BMP10: variants seen among roughly 807,000 people sequenced by gnomAD.
BMP10 encodes the protein bone morphogenetic protein 10.
In BMP10, 9 loss-of-function variants were observed where a neutral mutation model predicts 29.9. The ratio of observed to expected loss-of-function variants is 0.30; its 90% CI spans 0.18 to 0.53. The LOEUF is 0.53. BMP10 is among the 20% of genes least tolerant of loss of function. The probability of loss-of-function intolerance (pLI) is 0.96; values close to 1 mark genes in which losing one functional copy is unlikely to be tolerated. For missense variants in BMP10, 474 were observed against 524.3 expected (o/e 0.90, Z 0.94); for synonymous variants, 202 against 200.2 (o/e 1.01, Z -0.07).
intron 1 of BMP10, among the ~76,000 whole-genome samples, chr2:68,867,374 G>T (rs1193066047): frequency 6.6e-6 from 1 of 152,194 alleles, no homozygotes; most frequent in Non-Finnish European, 1.5e-5. Context: ...CTCAGCAATT[G>T]ACTGCTGGTT....
At position 68,865,875 on chromosome 2, in the gene BMP10, G is replaced by A. The variant is rs145545108; in HGVS notation, c.1031C>T (p.Pro344Leu). ...EIGWDSWIIA[P>L]PGYEAYECRG... ...GCATTCATAGGCTTCGTATCCAGGC[G>A]GAGCGATGATCCAGGAGTCCCACCC... The change falls in exon 2 of 2, where the codon CCG (proline) becomes CTG (leucine). Residue 344 changes from proline to leucine, a missense_variant. By Grantham distance (98) the Pro-to-Leu change is moderately conservative (BLOSUM62 -3). Around this residue, in one of 2 missense-constraint regions of BMP10, gnomAD observed 66 missense variants for 109.0 expected, o/e 0.61. Transcript: ENST00000295379. This position sits in a 1 kb window ranked among gnomAD's most constrained non-coding sequence, Gnocchi z 4.7. The A allele has an allele frequency of 1.2e-6, 2 of 1,613,962 alleles. No homozygotes were observed. Among genetic ancestry groups the A allele is most frequent in the African/African-American group, 1.3e-5 (1 of 74,906 alleles).
rs768760716 is a variant in BMP10 at position 68,865,580 on chromosome 2, A to G, written c.*51T>C. On this transcript the variant is annotated 3_prime_UTR_variant, in exon 2 of 2. Transcript: ENST00000295379. The surrounding 1 kb of genome is among the most constrained non-coding windows in gnomAD (Gnocchi z 4.7). ...TATTAAATAATCTCATTAAATAGGA[A>G]CACCAAATATACACATTTACAGTTA... 5 of 1,520,038 alleles carry G rather than the reference A, an allele frequency of 3.3e-6. No individual in the cohort carries two copies. The highest frequency in any genetic ancestry group is 4.5e-6 in the Non-Finnish European group (5 of 1,113,866). 94.2% of individuals were successfully genotyped at this position (1,520,038 alleles called of 1,614,324 possible). A position where few individuals can be genotyped will look rare whatever the true frequency, so the allele number is the denominator to read the frequency against.
Position 68,866,083 on chromosome 2 carries a change from A to C in BMP10, c.823T>G (p.Ser275Ala), listed in dbSNP as rs776306538. The change falls in exon 2 of 2, where the codon TCC becomes GCC. Residue 275 changes from serine to alanine, a missense_variant. Around this residue, in one of 2 missense-constraint regions of BMP10, gnomAD observed 408 missense variants for 415.3 expected, o/e 0.98. Transcript: ENST00000295379. Reference sequence around the variant, plus strand: ...TCCAGCTCTGGAAGTTGCTCATGGGAAATCATTTCATTCAGTTCCTCCTTC... The same window carrying C: ...TCCAGCTCTGGAAGTTGCTCATGGGCAATCATTTCATTCAGTTCCTCCTTC... ...ERKEELNEMI[S>A]HEQLPELDNL... 4.8e-5 allele frequency: 77 copies of C among 1,613,940 alleles called. No individual in the cohort carries two copies. The highest frequency in any genetic ancestry group is 6.4e-5 in the Non-Finnish European group (75 of 1,179,992).
At position 68,865,421 on chromosome 2, in the gene BMP10, A is replaced by G. The variant is rs1197619020; in HGVS notation, c.*210T>C. 1.1e-4 allele frequency: 65 copies of G among 567,402 alleles called. No homozygotes were observed. The highest frequency in any genetic ancestry group is 1.6e-4 in the Non-Finnish European group (54 of 328,040). The allele number at this position is 567,402 out of a possible 1,614,324, so 35.1% of individuals were successfully genotyped here. Reference sequence around the variant, plus strand: ...GTTTTCAAATCAACAGGGAGGTGGCATTGCCAGGAAATGGCAAGTCCAAAG... The same window carrying G: ...GTTTTCAAATCAACAGGGAGGTGGCGTTGCCAGGAAATGGCAAGTCCAAAG... On this transcript the variant is annotated 3_prime_UTR_variant, in exon 2 of 2. Coordinates refer to ENST00000295379, the MANE Select transcript of BMP10 (RefSeq NM_014482.3). This position sits in a 1 kb window ranked among gnomAD's most constrained non-coding sequence, Gnocchi z 4.7.
chr2:68,865,987 T>G lies in BMP10; in HGVS notation c.919A>C (p.Ile307Leu). Residue 307 changes from isoleucine (I) to leucine (L), a missense_variant, in exon 2 of 2, where the codon ATC becomes CTC. Transcript: ENST00000295379. This position sits in a 1 kb window ranked among gnomAD's most constrained non-coding sequence, Gnocchi z 4.7. ...EALLQMRSNI[I>L]YDSTARIRRN... ...CTGATTCGGGCAGTGGAGTCATAGA[T>G]GATGTTTGATCTCATCTGCAACAAA... 1 of 1,614,032 alleles carries G rather than the reference T, an allele frequency of 6.2e-7. No homozygotes were observed. The highest frequency in any genetic ancestry group is 8.5e-7 in the Non-Finnish European group (1 of 1,179,970).
rs1558683648 is a variant in BMP10 at position 68,862,135 on chromosome 2, T to C, written c.*3496A>G. On this transcript the variant is annotated 3_prime_UTR_variant, in exon 2 of 2. Coordinates refer to ENST00000295379, the MANE Select transcript of BMP10 (RefSeq NM_014482.3). ...AACTGACAACATCACTTTATGAAACTGCATGACAATGTATTGGTTAAATAT... is the reference window on the plus strand; with the variant it reads ...AACTGACAACATCACTTTATGAAACCGCATGACAATGTATTGGTTAAATAT... Among the ~76,000 whole-genome samples, 1 of 152,246 alleles carries C rather than the reference T, an allele frequency of 6.6e-6. No homozygotes were observed.
rs937266779 is a variant in BMP10 at position 68,862,176 on chromosome 2, C to T, written c.*3455G>A. ...GGTTAAATATTTCCTGGAACATCTA[C>T]ACTTCAGTTAAAACTGTACTATTTA... On this transcript the variant is annotated 3_prime_UTR_variant, in exon 2 of 2. Coordinates refer to ENST00000295379, the MANE Select transcript of BMP10 (RefSeq NM_014482.3). 3.3e-5 allele frequency among the ~76,000 whole-genome samples: 5 copies of T among 152,202 alleles called. No homozygotes were observed. The highest frequency in any genetic ancestry group is 6.5e-5 in the Admixed American group (1 of 15,282).
chr2:68,869,164 C>G (rs968124531), intron 1 of BMP10, among the ~76,000 whole-genome samples: 1 of 152,174 alleles, frequency 6.6e-6, no homozygotes, highest in African/African-American at 2.4e-5. Flanking sequence ...ATTCTCTACT[C>G]GTTTTGCACC....
chr2:68,863,483 G>A lies in BMP10; in HGVS notation c.*2148C>T, dbSNP rs964962584. Among the ~76,000 whole-genome samples the A allele has an allele frequency of 6.6e-6, 1 of 152,164 alleles. No homozygotes were observed. Among genetic ancestry groups the A allele is most frequent in the Non-Finnish European group, 1.5e-5 (1 of 68,032 alleles). Reference sequence around the variant, plus strand: ...TACATTGTGTACCATGGAGTATGAAGGATGCACCACGTTCCACTGAGGGTA... The same window carrying A: ...TACATTGTGTACCATGGAGTATGAAAGATGCACCACGTTCCACTGAGGGTA... On this transcript the variant is annotated 3_prime_UTR_variant, in exon 2 of 2. Transcript: ENST00000295379.
Position 68,863,135 on chromosome 2 carries a change from G to A in BMP10, c.*2496C>T, listed in dbSNP as rs533470147. Among the ~76,000 whole-genome samples the A allele has an allele frequency of 1.3e-5, 2 of 152,142 alleles. No homozygotes were observed. The highest frequency in any genetic ancestry group is 4.8e-5 in the African/African-American group (2 of 41,422). ...TGTCAGTGGGATACTAAATGTCAGC[G>A]GTGTGCCAGCACCAGTGCACAGCTC... is the stretch of plus-strand genomic sequence containing the variant. On this transcript the variant is annotated 3_prime_UTR_variant, in exon 2 of 2. Transcript: ENST00000295379.
Position 68,866,514 on chromosome 2 carries a change from T to G in BMP10, c.392A>C (p.Asn131Thr). 6.2e-7 allele frequency: 1 copy of G among 1,613,806 alleles called. No homozygotes were observed. The highest frequency in any genetic ancestry group is 8.5e-7 in the Non-Finnish European group (1 of 1,179,882). ...NGLRKYPLLF[N>T]VSIPHHEEVI... ...CTCTTCATGGTGAGGAATGGACACA[T>G]TGAAGAGGAGGGGGTATTTTCGGAG... Residue 131 changes from asparagine (N) to threonine (T), a missense_variant, in exon 2 of 2, where the codon AAT (asparagine) becomes ACT (threonine). Asn to Thr is a moderately conservative substitution (Grantham distance 65). Transcript: ENST00000295379.
In BMP10 at chr2:68,865,105, A is replaced by G. The variant is rs1211518682; in HGVS notation, c.*526T>C. On this transcript the variant is annotated 3_prime_UTR_variant, in exon 2 of 2. Transcript: ENST00000295379. The surrounding 1 kb of genome is among the most constrained non-coding windows in gnomAD (Gnocchi z 4.7). ...AGGCCCCTCCTCTCTGAGCAACTAC[A>G]GAAACTCAACTGACAAAAGCTACAC... 1.3e-5 allele frequency among the ~76,000 whole-genome samples: 2 copies of G among 152,322 alleles called. No individual in the cohort carries two copies. Among genetic ancestry groups the G allele is most frequent in the Non-Finnish European group, 2.9e-5 (2 of 68,014 alleles).
Position 68,862,894 on chromosome 2 carries a change from A to G in BMP10, c.*2737T>C. On this transcript the variant is annotated 3_prime_UTR_variant, in exon 2 of 2. Transcript: ENST00000295379. ...GGGAAGCAGAAAATCATAGAAATGC[A>G]GGTTTACATCTGGATGGGCAGAAAG... 6.6e-6 allele frequency among the ~76,000 whole-genome samples: 1 copy of G among 152,332 alleles called. No individual in the cohort carries two copies. Among genetic ancestry groups the G allele is most frequent in the South Asian group, 2.1e-4 (1 of 4,832 alleles).
At chr2:68,866,618 G>GA (rs1246243846) in intron 1 of BMP10, 47 bp from the exon 2 acceptor site, 1 of 1,453,776 alleles carries the variant, frequency 6.9e-7, no homozygotes, top group Admixed American at 2.0e-5. Context: ...GGGTCTCAGG[G>GA]AAAAACAGAT....
chr2:68,866,286 A>G lies in BMP10; in HGVS notation c.620T>C (p.Ile207Thr), dbSNP rs757128148. ...EWETFDVTDAIRRWQKSGSST... is the reference protein window; with the variant it reads ...EWETFDVTDATRRWQKSGSST... ...TGAGCCTGACTTTTGCCAACGTCTG[A>G]TGGCATCTGTGACATCAAAAGTCTC... The change falls in exon 2 of 2, where the codon ATC (isoleucine) becomes ACC (threonine). Residue 207 changes from isoleucine (I) to threonine (T), a missense_variant. Physicochemically the swap from Ile to Thr is moderately conservative, Grantham distance 89. Transcript: ENST00000295379. 1.2e-5 allele frequency: 20 copies of G among 1,613,860 alleles called. No individual in the cohort carries two copies. The highest frequency in any genetic ancestry group is 1.5e-5 in the Non-Finnish European group (18 of 1,179,988).
Position 68,865,595 on chromosome 2 carries a change from AT to A in BMP10, c.*35del. On this transcript the variant is annotated 3_prime_UTR_variant, in exon 2 of 2. Coordinates refer to ENST00000295379, the MANE Select transcript of BMP10 (RefSeq NM_014482.3). This position sits in a 1 kb window ranked among gnomAD's most constrained non-coding sequence, Gnocchi z 4.7. ...TTAAATAGGAACACCAAATATACAC[AT>A]TTACAGTTATTAAATAAGCCATAGG... is the stretch of plus-strand genomic sequence containing the variant. 1 of 1,567,622 alleles carries A rather than the reference AT, an allele frequency of 6.4e-7. No homozygotes were observed. The highest frequency in any genetic ancestry group is 8.7e-7 in the Non-Finnish European group (1 of 1,144,542).
At position 68,864,367 on chromosome 2, in the gene BMP10, C is replaced by G. The variant is rs1682914374; in HGVS notation, c.*1264G>C. ...CTTATATCTAAGTATTCTTCATGAA[C>G]AAAACATTTGATAAAGGATATTATT... On this transcript the variant is annotated 3_prime_UTR_variant, in exon 2 of 2. Transcript: ENST00000295379. 6.6e-6 allele frequency among the ~76,000 whole-genome samples: 1 copy of G among 152,022 alleles called. No individual in the cohort carries two copies. Among genetic ancestry groups the G allele is most frequent in the African/African-American group, 2.4e-5 (1 of 41,382 alleles).
At chr2:68,867,441 G>T (rs1398769156) in intron 1 of BMP10, among the ~76,000 whole-genome samples, 1 of 152,178 alleles carries the variant, frequency 6.6e-6, no homozygotes, top group East Asian at 1.9e-4. Flanking sequence ...TAGATTGGTT[G>T]CCTTAGTCTT....
In BMP10 at chr2:68,866,147, G is replaced by A; in HGVS notation, c.759C>T (p.Leu253=). 2 of 1,614,038 alleles carry A rather than the reference G, an allele frequency of 1.2e-6. No individual in the cohort carries two copies. Among genetic ancestry groups the A allele is most frequent in the Non-Finnish European group, 1.7e-6 (2 of 1,179,970 alleles). ...TSAQNKHNPL[L]IVFSDDQSSD... ...TGCTTTGGTCATCAGAAAACACGAT[G>A]AGCAAAGGGTTATGCTTATTCTGGG... Residue 253 remains leucine (L), a synonymous_variant, in exon 2 of 2, where the codon CTC becomes CTT. Transcript: ENST00000295379.
Sources: allele counts gnomAD v4.1 joint callset (sites outside exome capture counted in the v4.1 genomes callset), GRCh38; gene constraint gnomAD v4.1.1; regional missense constraint gnomAD v4.1.1; non-coding constraint Gnocchi (gnomAD v3.1); transcripts MANE v1.5; gene names NCBI Gene and HGNC (gene_info 2026-07-23, HGNC 2026-07-21).